EPHA5: variants seen among roughly 807,000 people sequenced by gnomAD.
EPHA5 encodes the protein EPH receptor A5, also known as ephrin type-A receptor 5.
Under a neutral mutation model 105.0 loss-of-function variants are expected in EPHA5, and 60 were observed. That is an observed-to-expected ratio of 0.57 (90% confidence interval 0.46 to 0.71). The LOEUF (loss-of-function observed/expected upper bound fraction) is 0.71. EPHA5 is among the 30% of genes least tolerant of loss of function. The pLI is 0.00. For missense variants in EPHA5, 1,218 were observed against 1,274.7 expected, an observed-to-expected ratio of 0.96 and a Z score of 0.68; for synonymous variants, 513 against 449.1, an observed-to-expected ratio of 1.14 and a Z score of -1.80.
chr4:65,622,406 C>A (rs1003178325), intron 2 of EPHA5, among the ~76,000 whole-genome samples: 1 of 151,726 alleles, frequency 6.6e-6, no homozygotes, highest in African/African-American at 2.4e-5. Flanking sequence ...AAGGCATAGG[C>A]AACATGGCAG....
At chr4:65,567,245 T>C (rs922604501) in intron 3 of EPHA5, among the ~76,000 whole-genome samples, 1 of 151,622 alleles carries the variant, frequency 6.6e-6, no homozygotes, top group African/African-American at 2.4e-5. Context: ...GTAGATAATT[T>C]ACTTCCAAAA....
intron 3 of EPHA5, among the ~76,000 whole-genome samples, chr4:65,551,278 GTGTATATATA>G (rs1560685678): frequency 9.5e-6 from 1 of 105,242 alleles, no homozygotes. Context: ...GTGTGTGTGT[GTGTATATATA>G]TATATATATA....
chr4:65,586,764 C>T (rs1259150404), intron 3 of EPHA5, among the ~76,000 whole-genome samples: 1 of 151,524 alleles, frequency 6.6e-6, no homozygotes, highest in Non-Finnish European at 1.5e-5. Flanking sequence ...CATTTATTTC[C>T]AATTATAAAA....
At chr4:65,457,350 A>G (rs1727700452) in intron 5 of EPHA5, among the ~76,000 whole-genome samples, 3 of 152,188 alleles carry the variant, frequency 2.0e-5, no homozygotes. Flanking sequence ...TACCTACATC[A>G]TAGGATCATT....
At chr4:65,409,311 G>A (rs1722687404) in intron 7 of EPHA5, among the ~76,000 whole-genome samples, 1 of 95,392 alleles carries the variant, frequency 1.0e-5, no homozygotes, top group Non-Finnish European at 2.3e-5. Context: ...TGCACATTGT[G>A]CACATGTACC....
At chr4:65,608,310 C>T (rs913665800) in intron 2 of EPHA5, among the ~76,000 whole-genome samples, 1 of 152,030 alleles carries the variant, frequency 6.6e-6, no homozygotes, top group Admixed American at 6.6e-5. Flanking sequence ...CGAGACCATC[C>T]TGACTAACAC....
At chr4:65,641,255 G>A (rs1405210776) in intron 2 of EPHA5, among the ~76,000 whole-genome samples, 1 of 152,070 alleles carries the variant, frequency 6.6e-6, no homozygotes, top group South Asian at 2.1e-4. Flanking sequence ...AAAGGACACG[G>A]AGCAAGTAAA....
intron 16 of EPHA5, among the ~76,000 whole-genome samples, chr4:65,327,928 T>A (rs960900368): frequency 1.3e-4 from 20 of 151,236 alleles, no homozygotes; most frequent in African/African-American, 4.4e-4. Flanking sequence ...AGTAATTACA[T>A]AAATTTGATG....
At chr4:65,479,779 T>G (rs1254191998) in intron 5 of EPHA5, among the ~76,000 whole-genome samples, 1 of 152,062 alleles carries the variant, frequency 6.6e-6, no homozygotes, top group Non-Finnish European at 1.5e-5. Context: ...TAAAACATGA[T>G]TATGTAGAAA....
At chr4:65,390,530 C>T (rs901007076) in intron 8 of EPHA5, among the ~76,000 whole-genome samples, 5 of 151,960 alleles carry the variant, frequency 3.3e-5, no homozygotes, top group East Asian at 3.9e-4. Context: ...ATGCCTCTTC[C>T]GTGTTTCTTC....
intron 2 of EPHA5, among the ~76,000 whole-genome samples, chr4:65,634,412 T>C (rs1202483881): frequency 1.3e-5 from 2 of 152,056 alleles, no homozygotes; most frequent in Non-Finnish European, 2.9e-5. Flanking sequence ...ACAATACTTG[T>C]CTTATATACA....
intron 5 of EPHA5, among the ~76,000 whole-genome samples, chr4:65,479,515 A>G (rs1308857865): frequency 6.6e-6 from 1 of 152,200 alleles, no homozygotes; most frequent in Non-Finnish European, 1.5e-5. Context: ...GAAATGGGGA[A>G]AGGACTAAAA....
chr4:65,436,623 T>C (rs1410175633), intron 5 of EPHA5, among the ~76,000 whole-genome samples: 1 of 152,042 alleles, frequency 6.6e-6, no homozygotes, highest in Non-Finnish European at 1.5e-5. Context: ...CTTCTGAATA[T>C]GTACAAACTT....
At chr4:65,408,876 A>G (rs1722633323) in intron 7 of EPHA5, among the ~76,000 whole-genome samples, 1 of 152,024 alleles carries the variant, frequency 6.6e-6, no homozygotes, top group African/African-American at 2.4e-5. Context: ...TGCTGCTATA[A>G]AGACACATGC....
intron 8 of EPHA5, among the ~76,000 whole-genome samples, chr4:65,370,753 G>T (rs770014554): frequency 1.3e-5 from 2 of 152,110 alleles, no homozygotes; most frequent in African/African-American, 2.4e-5. Flanking sequence ...AGTCAGGAGG[G>T]CAATTGAAAG....
chr4:65,650,090 C>A (rs1392795158), intron 1 of EPHA5, among the ~76,000 whole-genome samples: 1 of 152,128 alleles, frequency 6.6e-6, no homozygotes, highest in Non-Finnish European at 1.5e-5. Flanking sequence ...CCTAAAACTC[C>A]TGTAAATTTG....
chr4:65,573,863 T>C, intron 3 of EPHA5: 1 of 1,612,738 alleles, frequency 6.2e-7, no homozygotes, highest in African/African-American at 1.3e-5. Flanking sequence ...AACCCTTCAG[T>C]CAGCACGTGA....
intron 5 of EPHA5, among the ~76,000 whole-genome samples, chr4:65,442,008 G>C (rs539742828): frequency 6.6e-6 from 1 of 152,016 alleles, no homozygotes; most frequent in Non-Finnish European, 1.5e-5. Context: ...AAAAGACTTA[G>C]ATGCTATTAT....
At chr4:65,646,740 G>T (rs541841346) in intron 1 of EPHA5, among the ~76,000 whole-genome samples, 1 of 152,232 alleles carries the variant, frequency 6.6e-6, no homozygotes, top group Admixed American at 6.5e-5. Flanking sequence ...TTTAACAGAA[G>T]TTAGCATATT....
Sources: gnomAD v4.1 joint callset for allele counts (sites outside exome capture counted in the v4.1 genomes callset) on GRCh38, gnomAD v4.1.1 for gene constraint, MANE v1.5 for transcripts, NCBI Gene and HGNC (gene_info 2026-07-23, HGNC 2026-07-21) for gene names.